OLFML1: variants seen among roughly 807,000 people sequenced by gnomAD.
OLFML1 encodes the protein olfactomedin-like protein 1.
Under a neutral mutation model 37.3 loss-of-function variants are expected in OLFML1, and 33 were observed. The observed-to-expected ratio is 0.88, with a 90% CI of 0.67 to 1.18. The LOEUF (loss-of-function observed/expected upper bound fraction) is 1.18. Among genes scored for constraint, OLFML1 ranks in the 50% most tolerant of loss-of-function variants. The probability of loss-of-function intolerance (pLI) is 0.00; values close to 1 mark genes in which losing one functional copy is unlikely to be tolerated. For synonymous variants in OLFML1, 186 were observed against 181.3 expected, an observed-to-expected ratio of 1.03 and a Z score of -0.21; for missense variants, 545 against 483.7, an observed-to-expected ratio of 1.13 and a Z score of -1.19.
rs373866404 is a variant in OLFML1, at chr11:7,490,132, T to TGGGG, written c.418+1725_418+1728dup. Among the ~76,000 whole-genome samples, 5 of 37,980 alleles carry TGGGG rather than the reference T, an allele frequency of 1.3e-4. No individual in the cohort carries two copies. The South Asian group carries it at 5.4e-3, about 41-fold the overall frequency. 24.9% of individuals were successfully genotyped at this position (37,980 alleles called of 152,430 possible). ...GGCAGAGGGGTTAGTTAGGCTTTGG[T>TGGGG]GGGGGGGGGGGCGGGGAACCAAAAA... is the stretch of plus-strand genomic sequence containing the variant. On this transcript the variant is annotated intron_variant, in intron 2 of 2. Coordinates refer to ENST00000329293, the MANE Select transcript of OLFML1 (RefSeq NM_198474.4).
chr11:7,504,339 G>C (rs972482463), intron 2 of OLFML1, among the ~76,000 whole-genome samples: 1 of 152,110 alleles, frequency 6.6e-6, no homozygotes, highest in African/African-American at 2.4e-5. Flanking sequence ...CAAGGAGAGG[G>C]AGAACAAAGA....
In OLFML1 at chr11:7,510,420, A is replaced by C; in HGVS notation, c.*232A>C. ...TCAACAATGTCCATTACTCCCCCAA[A>C]CCTCCTGGCTCTCAAGGATGACCAC... On this transcript the variant is annotated 3_prime_UTR_variant, in exon 3 of 3. Coordinates refer to ENST00000329293, the MANE Select transcript of OLFML1 (RefSeq NM_198474.4). 2.2e-6 allele frequency: 1 copy of C among 460,486 alleles called. No homozygotes were observed. The highest frequency in any genetic ancestry group is 3.9e-6 in the Non-Finnish European group (1 of 258,390). The allele number at this position is 460,486 out of a possible 1,614,324, so 28.5% of individuals were successfully genotyped here.
At chr11:7,486,494 C>A (rs7945609) in intron 1 of OLFML1, among the ~76,000 whole-genome samples, 1 of 152,072 alleles carries the variant, frequency 6.6e-6, no homozygotes, top group Non-Finnish European at 1.5e-5. Flanking sequence ...TGTAAAAAGT[C>A]ATGATATCAA....
chr11:7,496,587 A>C (rs1430159472), intron 2 of OLFML1, among the ~76,000 whole-genome samples: 1 of 152,218 alleles, frequency 6.6e-6, no homozygotes, highest in African/African-American at 2.4e-5. Context: ...TCACAGGAAG[A>C]ATCCATGGGG....
At chr11:7,497,839 C>T (rs952390545) in intron 2 of OLFML1, among the ~76,000 whole-genome samples, 1 of 152,250 alleles carries the variant, frequency 6.6e-6, no homozygotes, top group African/African-American at 2.4e-5. Context: ...TATTGTATGC[C>T]GGGCCCTGTT....
intron 2 of OLFML1, among the ~76,000 whole-genome samples, chr11:7,505,919 T>C (rs1356514445): frequency 6.6e-6 from 1 of 152,204 alleles, no homozygotes; most frequent in African/African-American, 2.4e-5. Flanking sequence ...CTGATTCATA[T>C]CAATCTTCAA....
chr11:7,508,589 G>A (rs1848812789), intron 2 of OLFML1, among the ~76,000 whole-genome samples: 1 of 152,076 alleles, frequency 6.6e-6, no homozygotes, highest in Non-Finnish European at 1.5e-5. Context: ...AAAGAACCAT[G>A]CCCAATTTAT....
chr11:7,508,953 T>C (rs1590064685), intron 2 of OLFML1, among the ~76,000 whole-genome samples: 2 of 152,218 alleles, frequency 1.3e-5, no homozygotes, highest in African/African-American at 4.8e-5. Flanking sequence ...AAACAGCAAA[T>C]AGCTGTTAAT....
At chr11:7,496,910 C>T (rs1164038129) in intron 2 of OLFML1, among the ~76,000 whole-genome samples, 1 of 152,104 alleles carries the variant, frequency 6.6e-6, no homozygotes, top group Non-Finnish European at 1.5e-5. Flanking sequence ...AAAAAATTAT[C>T]TGGGCATGGT....
rs114585094 is a variant in OLFML1 at position 7,489,986 on chromosome 11, A to C, written c.418+1571A>C. 8.5e-3 allele frequency among the ~76,000 whole-genome samples: 1,287 copies of C among 152,002 alleles called. 28 individuals carry two copies. Among genetic ancestry groups the C allele is most frequent in the African/African-American group, 0.03 (1,223 of 41,440 alleles). ...CAGCTCTATGAGAGCTTGGAACCCC[A>C]GTTTCATGTTCAATGCTGTGTCTCC... On this transcript the variant is annotated intron_variant, in intron 2 of 2. Transcript: ENST00000329293.
intron 2 of OLFML1, among the ~76,000 whole-genome samples, chr11:7,497,620 T>C (rs1848678630): frequency 6.6e-6 from 1 of 152,184 alleles, no homozygotes; most frequent in African/African-American, 2.4e-5. Flanking sequence ...CTTGATGTCT[T>C]TGGGCAACAT....
chr11:7,497,061 T>C (rs1010904891), intron 2 of OLFML1, among the ~76,000 whole-genome samples: 5 of 152,162 alleles, frequency 3.3e-5, no homozygotes, highest in Middle Eastern at 3.2e-3. Flanking sequence ...GATGGCCCAT[T>C]TTCATGCTTT....
At chr11:7,490,136 G>GC (rs1485251436) in intron 2 of OLFML1, among the ~76,000 whole-genome samples, 1 of 134,422 alleles carries the variant, frequency 7.4e-6, no homozygotes, top group Non-Finnish European at 1.6e-5. Flanking sequence ...CTTTGGTGGG[G>GC]GGGGGGGCGG....
chr11:7,489,163 C>A (rs898630693), intron 2 of OLFML1, among the ~76,000 whole-genome samples: 7 of 152,172 alleles, frequency 4.6e-5, no homozygotes, highest in Non-Finnish European at 8.8e-5. Context: ...AATTCAAGAA[C>A]CTCCATCAGG....
chr11:7,500,595 G>A (rs1000598683), intron 2 of OLFML1, among the ~76,000 whole-genome samples: 2 of 152,086 alleles, frequency 1.3e-5, no homozygotes, highest in South Asian at 2.1e-4. Flanking sequence ...TTTGGAAAAT[G>A]GGGATTAAAA....
At chr11:7,505,840 A>AG (rs1848779242) in intron 2 of OLFML1, among the ~76,000 whole-genome samples, 1 of 151,348 alleles carries the variant, frequency 6.6e-6, no homozygotes. Flanking sequence ...CACCTGTCTT[A>AG]AAAAAAATGT....
At chr11:7,502,031 G>A (rs940035431) in intron 2 of OLFML1, among the ~76,000 whole-genome samples, 1 of 152,186 alleles carries the variant, frequency 6.6e-6, no homozygotes, top group Non-Finnish European at 1.5e-5. Flanking sequence ...AAAAGGGCTA[G>A]AGTAGATAAT....
intron 2 of OLFML1, among the ~76,000 whole-genome samples, chr11:7,503,176 C>T (rs530393098): frequency 6.6e-6 from 1 of 152,108 alleles, no homozygotes; most frequent in South Asian, 2.1e-4. Flanking sequence ...GCTGAAGATA[C>T]AAAGTTGGTA....
Position 7,510,055 on chromosome 11 carries a change from T to C in OLFML1, c.1076T>C (p.Leu359Ser). 3 of 1,614,238 alleles carry C rather than the reference T, an allele frequency of 1.9e-6. No individual in the cohort carries two copies. Among genetic ancestry groups the C allele is most frequent in the Non-Finnish European group, 2.5e-6 (3 of 1,180,042 alleles). The change falls in exon 3 of 3, where the codon TTG becomes TCG. Residue 359 changes from leucine to serine, a missense_variant. Coordinates refer to ENST00000329293, the MANE Select transcript of OLFML1 (RefSeq NM_198474.4). ...GTISEEDLPNLFFPKRPRSHS... is the reference protein window; with the variant it reads ...GTISEEDLPNSFFPKRPRSHS... ...ATCAGTGAGGAGGACTTGCCCAACT[T>C]GTTCTTCCCCAAGAGACCAAGAAGT...
Sources: gnomAD v4.1 joint callset for allele counts (sites outside exome capture counted in the v4.1 genomes callset) on GRCh38, gnomAD v4.1.1 for gene constraint, MANE v1.5 for transcripts, NCBI Gene and HGNC (gene_info 2026-07-23, HGNC 2026-07-21) for gene names.